Variants in NKAIN3 observed in about 807,000 individuals in gnomAD.
NKAIN3 encodes sodium/potassium transporting ATPase interacting 3.
Under a neutral mutation model 30.2 loss-of-function variants are expected in NKAIN3, and 25 were observed. The ratio of observed to expected loss-of-function variants is 0.83; its 90% CI spans 0.60 to 1.16. The LOEUF (loss-of-function observed/expected upper bound fraction) is 1.16. Ranked by LOEUF, NKAIN3 falls within the 50% of genes most tolerant of loss-of-function variation. The probability of loss-of-function intolerance (pLI) is 0.00; values close to 1 mark genes in which losing one functional copy is unlikely to be tolerated. For synonymous variants in NKAIN3, 91 were observed against 89.6 expected (o/e 1.02, Z -0.09); for missense variants, 225 against 254.1 (o/e 0.89, Z 0.78).
intron 3 of NKAIN3, among the ~76,000 whole-genome samples, chr8:62,654,079 A>T (rs988974434): frequency 6.6e-6 from 1 of 152,096 alleles, no homozygotes; most frequent in African/African-American, 2.4e-5. Flanking sequence ...GAAACAAGAA[A>T]AGTCTAGGGG....
intron 4 of NKAIN3, among the ~76,000 whole-genome samples, chr8:62,914,478 AC>A: frequency 6.6e-6 from 1 of 151,522 alleles, no homozygotes. Flanking sequence ...CTTCACATGT[AC>A]CCCCAAACCT....
intron 4 of NKAIN3, among the ~76,000 whole-genome samples, chr8:62,908,455 T>A (rs1257179839): frequency 1.3e-5 from 2 of 151,704 alleles, no homozygotes; most frequent in Non-Finnish European, 1.5e-5. Context: ...GGGCCAGGAG[T>A]GGAATGTTAT....
chr8:62,800,156 A>G (rs549852634), intron 4 of NKAIN3, among the ~76,000 whole-genome samples: 23 of 152,336 alleles, frequency 1.5e-4, no homozygotes, highest in Admixed American at 1.4e-3. Flanking sequence ...TAAAGAACTT[A>G]TTCATGTAAC....
intron 1 of NKAIN3, among the ~76,000 whole-genome samples, chr8:62,284,569 G>C (rs188051993): frequency 6.6e-6 from 1 of 152,152 alleles, no homozygotes; most frequent in Non-Finnish European, 1.5e-5. Flanking sequence ...GGTGGAGGTT[G>C]CACTGAGCCA....
chr8:62,521,690 A>T (rs1808165567), intron 1 of NKAIN3, among the ~76,000 whole-genome samples: 1 of 152,176 alleles, frequency 6.6e-6, no homozygotes, highest in African/African-American at 2.4e-5. Context: ...GGATTGCAGC[A>T]TCTGGCTCTC....
intron 4 of NKAIN3, among the ~76,000 whole-genome samples, chr8:62,820,778 G>A (rs1818824794): frequency 6.6e-6 from 1 of 152,100 alleles, no homozygotes; most frequent in Admixed American, 6.6e-5. Context: ...GCTTGATTAT[G>A]TTAGAATACC....
intron 4 of NKAIN3, among the ~76,000 whole-genome samples, chr8:62,870,655 C>CTATATATCTATATA (rs1554586632): frequency 4.5e-5 from 6 of 131,870 alleles, no homozygotes; most frequent in South Asian, 2.3e-4. Context: ...ATATCTATAT[C>CTATATATCTATATA]TAGATATATA....
At chr8:62,825,150 C>T (rs989553100) in intron 4 of NKAIN3, among the ~76,000 whole-genome samples, 7 of 152,140 alleles carry the variant, frequency 4.6e-5, no homozygotes, top group African/African-American at 1.4e-4. Context: ...AAACCATTCA[C>T]AGGTTTAGTC....
chr8:62,957,426 G>A (rs1287400804), intron 6 of NKAIN3, among the ~76,000 whole-genome samples: 1 of 152,140 alleles, frequency 6.6e-6, no homozygotes, highest in Non-Finnish European at 1.5e-5. Flanking sequence ...GAGCCACCGC[G>A]CCCGGCCTAT....
chr8:62,493,980 G>T (rs1457219323), intron 1 of NKAIN3, among the ~76,000 whole-genome samples: 1 of 152,074 alleles, frequency 6.6e-6, no homozygotes, highest in African/African-American at 2.4e-5. Flanking sequence ...AGGATAATTT[G>T]ACTTCCTCTT....
intron 3 of NKAIN3, 62 bp from the exon 4 acceptor site, chr8:62,746,870 A>C: frequency 1.6e-6 from 2 of 1,215,810 alleles, no homozygotes; most frequent in Non-Finnish European, 2.4e-6. Flanking sequence ...CCTAAGGTCA[A>C]AGTCAAAGAC....
intron 5 of NKAIN3, chr8:62,990,346 T>G: frequency 7.5e-7 from 1 of 1,328,854 alleles, no homozygotes; most frequent in Non-Finnish European, 9.7e-7. Flanking sequence ...AGATTCAACA[T>G]CTTCCTAATC....
At position 62,966,065 on chromosome 8, in the gene NKAIN3, G is replaced by A. The variant is rs949284707; in HGVS notation, c.*658G>A. The A allele has an allele frequency of 1.4e-5, 14 of 983,440 alleles. No homozygotes were observed. Among genetic ancestry groups the A allele is most frequent in the Non-Finnish European group, 1.3e-5 (11 of 828,298 alleles). 60.9% of individuals were successfully genotyped at this position (983,440 alleles called of 1,614,324 possible). ...TATATATATATGTAGGCACATGGAA[G>A]AGTAAAAGGATTAGTAGAACCCCTT... is the stretch of plus-strand genomic sequence containing the variant. On this transcript the variant is annotated 3_prime_UTR_variant, in exon 7 of 7. Coordinates refer to ENST00000623646, the MANE Select transcript of NKAIN3 (RefSeq NM_001304533.3).
chr8:62,657,650 A>G (rs1478045685), intron 3 of NKAIN3, among the ~76,000 whole-genome samples: 1 of 152,196 alleles, frequency 6.6e-6, no homozygotes, highest in African/African-American at 2.4e-5. Context: ...GGTACCTAAA[A>G]TAGTCTCACG....
chr8:62,459,675 G>T (rs1029245762), intron 1 of NKAIN3, among the ~76,000 whole-genome samples: 2 of 152,178 alleles, frequency 1.3e-5, no homozygotes, highest in Non-Finnish European at 2.9e-5. Flanking sequence ...ATGATAAATT[G>T]ATATAAGATC....
chr8:62,565,670 A>G (rs938663776), intron 1 of NKAIN3, among the ~76,000 whole-genome samples: 3 of 152,170 alleles, frequency 2.0e-5, no homozygotes, highest in Admixed American at 6.6e-5. Flanking sequence ...ATTTGGTGAA[A>G]CTAAAATTGA....
At chr8:62,387,644 C>G (rs888799954) in intron 1 of NKAIN3, among the ~76,000 whole-genome samples, 1 of 152,190 alleles carries the variant, frequency 6.6e-6, no homozygotes, top group East Asian at 1.9e-4. Flanking sequence ...GGTGCAGTAA[C>G]TTTTCCATTG....
rs576887103 is a variant in NKAIN3 at position 62,755,901 on chromosome 8, A to G, written c.471+8772A>G. Among the ~76,000 whole-genome samples, 4 of 152,282 alleles carry G rather than the reference A, an allele frequency of 2.6e-5. No individual in the cohort carries two copies. The South Asian group carries it at 6.2e-4, about 24-fold the overall frequency. ...TTGTGGGAGAATTTCCATGCCAAAAATATTCAAAGGGCTTTGGCAGAAACA... is the reference window on the plus strand; with the variant it reads ...TTGTGGGAGAATTTCCATGCCAAAAGTATTCAAAGGGCTTTGGCAGAAACA... On this transcript the variant is annotated intron_variant, in intron 4 of 6. Transcript: ENST00000623646.
chr8:62,835,478 A>T (rs759330905), intron 4 of NKAIN3, among the ~76,000 whole-genome samples: 4 of 151,928 alleles, frequency 2.6e-5, no homozygotes, highest in African/African-American at 7.2e-5. Flanking sequence ...TCAACAAGCA[A>T]AAAGCAATTC....
Sources: allele counts gnomAD v4.1 joint callset (sites outside exome capture counted in the v4.1 genomes callset), GRCh38; gene constraint gnomAD v4.1.1; transcripts MANE v1.5; gene names NCBI Gene and HGNC (gene_info 2026-07-23, HGNC 2026-07-21).